Variants in WRNIP1 observed in about 807,000 individuals in gnomAD.
The protein encoded by WRNIP1 is WRN helicase interacting protein 1.
In WRNIP1, 41 loss-of-function variants were observed where a neutral mutation model predicts 56.1. The ratio of observed to expected loss-of-function variants is 0.73; its 90% CI spans 0.57 to 0.95. The LOEUF is 0.95. WRNIP1 is among the 40% of genes least tolerant of loss of function. WRNIP1 has a pLI of 0.00. For synonymous variants in WRNIP1, 547 were observed against 398.1 expected (o/e 1.37, Z -4.45); for missense variants, 1,170 against 939.4 (o/e 1.25, Z -3.21).
chr6:2,779,187 T>C (rs1000108001), intron 3 of WRNIP1, 76 bp from the exon 4 acceptor site: 30 of 1,457,158 alleles, frequency 2.1e-5, no homozygotes, highest in Non-Finnish European at 2.8e-5. Context: ...CTGAGAAGTA[T>C]GAGTTTCTAA....
At chr6:2,769,249 A>C (rs1243144369) in intron 2 of WRNIP1, among the ~76,000 whole-genome samples, 3 of 152,232 alleles carry the variant, frequency 2.0e-5, no homozygotes, top group African/African-American at 7.2e-5. Context: ...TTACTTTAAC[A>C]GTATTTTTAT....
intron 5 of WRNIP1, 63 bp from the exon 6 acceptor site, chr6:2,784,259 GCA>G: frequency 6.6e-7 from 1 of 1,519,498 alleles, no homozygotes; most frequent in Non-Finnish European, 9.0e-7. Flanking sequence ...GTGGTCGCCT[GCA>G]CATAGGCCAG....
At chr6:2,781,263 G>A (rs775424003) in intron 4 of WRNIP1, among the ~76,000 whole-genome samples, 1 of 152,208 alleles carries the variant, frequency 6.6e-6, no homozygotes, top group Non-Finnish European at 1.5e-5. Context: ...CTTGGAGCTG[G>A]GGGGTGGTGG....
chr6:2,769,640 A>T (rs1468897576), intron 2 of WRNIP1, among the ~76,000 whole-genome samples: 1 of 152,208 alleles, frequency 6.6e-6, no homozygotes, highest in Non-Finnish European at 1.5e-5. Flanking sequence ...ATATTGGACC[A>T]CTGACTCATC....
chr6:2,783,324 T>C (rs1765613470), intron 4 of WRNIP1, 82 bp from the exon 5 acceptor site: 18 of 1,430,446 alleles, frequency 1.3e-5, no homozygotes, highest in Non-Finnish European at 1.7e-5. Context: ...TCAGGCTTTC[T>C]GGAAGTCAGC....
rs778049701 is a variant in WRNIP1, at chr6:2,766,322, G to C, written c.700G>C (p.Asp234His). 5 of 1,610,622 alleles carry C rather than the reference G, an allele frequency of 3.1e-6. No individual in the cohort carries two copies. In the East Asian group the frequency reaches 8.9e-5, roughly 29 times the overall value. Reference protein sequence around the residue: ...GKPLADTMRPDTLQDYFGQSK... With the variant: ...GKPLADTMRPHTLQDYFGQSK... ...GCCGCTGGCCGACACGATGCGTCCT[G>C]ACACGCTGCAGGATTACTTCGGGCA... is the stretch of plus-strand genomic sequence containing the variant. The change falls in exon 1 of 7, where the codon GAC (aspartate) becomes CAC (histidine). Residue 234 changes from aspartate to histidine, a missense_variant. Transcript: ENST00000380773.
At chr6:2,773,494 A>C (rs1350911961) in intron 3 of WRNIP1, 1 of 985,414 alleles carries the variant, frequency 1.0e-6, no homozygotes, top group Non-Finnish European at 1.2e-6. Flanking sequence ...TCTACGCCAT[A>C]GTTGCTTTGG....
chr6:2,770,265 C>G lies in WRNIP1; in HGVS notation c.1160C>G (p.Thr387Ser). 6.2e-7 allele frequency: 1 copy of G among 1,614,204 alleles called. No homozygotes were observed. The highest frequency in any genetic ancestry group is 8.5e-7 in the Non-Finnish European group (1 of 1,180,052). The change falls in exon 3 of 7, where the codon ACT becomes AGT. Residue 387 changes from threonine to serine, a missense_variant. By Grantham distance (58) the Thr-to-Ser change is moderately conservative. Transcript: ENST00000380773. ...LEKLPVEAMV[T>S]ILMRAINSLG... is the part of the protein sequence containing the mutation. Reference sequence around the variant, plus strand: ...AAGCTTCCAGTAGAGGCAATGGTGACTATTTTAATGCGAGCGATCAACTCC... The same window carrying G: ...AAGCTTCCAGTAGAGGCAATGGTGAGTATTTTAATGCGAGCGATCAACTCC...
intron 4 of WRNIP1, among the ~76,000 whole-genome samples, chr6:2,782,108 C>A (rs979818071): frequency 6.6e-6 from 1 of 152,198 alleles, no homozygotes. Context: ...TTTAGCCAGG[C>A]CTGTTACCTG....
chr6:2,773,917 A>C (rs1212075570), intron 3 of WRNIP1: 2 of 985,172 alleles, frequency 2.0e-6, no homozygotes, highest in Non-Finnish European at 2.4e-6. Flanking sequence ...GTCCCTGGGT[A>C]AGGGCTGTGG....
Position 2,770,106 on chromosome 6 carries a change from C to T in WRNIP1, c.1015-14C>T, listed in dbSNP as rs1406610576. ...GACTGGAATCACTTTTTTCTGTTTT[C>T]CTCCCATGATTAGGACACTTTCCTT... On this transcript the variant is annotated splice_polypyrimidine_tract_variant and intron_variant, in intron 2 of 6. Coordinates refer to ENST00000380773, the MANE Select transcript of WRNIP1 (RefSeq NM_020135.3). The T allele has an allele frequency of 2.5e-6, 4 of 1,611,980 alleles. No individual in the cohort carries two copies. The highest frequency in any genetic ancestry group is 1.7e-5 in the Admixed American group (1 of 59,424).
At chr6:2,776,769 C>G (rs1382274418) in intron 3 of WRNIP1, among the ~76,000 whole-genome samples, 1 of 152,088 alleles carries the variant, frequency 6.6e-6, no homozygotes, top group East Asian at 1.9e-4. Flanking sequence ...ATAAGGCTGC[C>G]CATCTCGTCA....
intron 3 of WRNIP1, 89 bp from the exon 4 acceptor site, chr6:2,779,174 T>C (rs759426304): frequency 3.1e-5 from 43 of 1,368,440 alleles, no homozygotes; most frequent in Non-Finnish European, 4.1e-5. Context: ...TTCAGTGTCC[T>C]TGCTGAGAAG....
chr6:2,769,552 C>G (rs1298329528), intron 2 of WRNIP1, among the ~76,000 whole-genome samples: 1 of 152,050 alleles, frequency 6.6e-6, no homozygotes, highest in African/African-American at 2.4e-5. Flanking sequence ...TCACAAAACT[C>G]TACTGAGCCT....
Position 2,785,542 on chromosome 6 carries a change from G to T in WRNIP1, c.*260G>T. The T allele has an allele frequency of 2.2e-6, 1 of 461,384 alleles. No individual in the cohort carries two copies. Among genetic ancestry groups the T allele is most frequent in the South Asian group, 3.5e-5 (1 of 28,348 alleles). 28.6% of individuals were successfully genotyped at this position (461,384 alleles called of 1,614,324 possible). Reference sequence around the variant, plus strand: ...TTTGTGCAATGAATTAATGTTATAAGGAATTATCTATTTTGTCATAGTATT... The same window carrying T: ...TTTGTGCAATGAATTAATGTTATAATGAATTATCTATTTTGTCATAGTATT... On this transcript the variant is annotated 3_prime_UTR_variant, in exon 7 of 7. Coordinates refer to ENST00000380773, the MANE Select transcript of WRNIP1 (RefSeq NM_020135.3).
intron 3 of WRNIP1, among the ~76,000 whole-genome samples, chr6:2,775,197 C>T (rs9328128): frequency 0.4 from 60,573 of 151,952 alleles, 12,408 homozygotes; most frequent in Non-Finnish European, 0.42. Flanking sequence ...AGGATGGACC[C>T]ACTGCTCGGT....
chr6:2,785,124 G>A lies in WRNIP1; in HGVS notation c.1840G>A (p.Val614Met), dbSNP rs140635969. Residue 614 changes from valine to methionine, a missense_variant, in exon 7 of 7, where the codon GTG (valine) becomes ATG (methionine). Val to Met is a conservative substitution (Grantham distance 21). Transcript: ENST00000380773. ...GAACCACCAGGGGCCACTGCCCCCC[G>A]TGCCCCTGCACCTGAGGAACGCGCC... ...LRNHQGPLPP[V>M]PLHLRNAPTR... 2.1e-4 allele frequency: 340 copies of A among 1,614,058 alleles called. No homozygotes were observed. The highest frequency in any genetic ancestry group is 2.2e-4 in the Non-Finnish European group (258 of 1,180,028).
At chr6:2,773,021 G>T in intron 3 of WRNIP1, 1 of 985,404 alleles carries the variant, frequency 1.0e-6, no homozygotes, top group East Asian at 1.1e-4. Context: ...GAAGTCCCAG[G>T]CTGTTGAACT....
intron 2 of WRNIP1, 101 bp downstream of exon 2, chr6:2,768,983 A>C: frequency 8.2e-7 from 1 of 1,223,710 alleles, no homozygotes; most frequent in Non-Finnish European, 1.1e-6. Context: ...AGCTTTGTTT[A>C]CAAAGAAGCG....
Sources: gnomAD v4.1 joint callset for allele counts (sites outside exome capture counted in the v4.1 genomes callset) on GRCh38, gnomAD v4.1.1 for gene constraint, MANE v1.5 for transcripts, NCBI Gene and HGNC (gene_info 2026-07-23, HGNC 2026-07-21) for gene names.